The following KCNQ1OT1 variants were observed in gnomAD, a reference collection of about 807,000 sequenced individuals.
KCNQ1OT1 encodes the protein KCNQ1 opposite strand/antisense transcript 1.
exon 1 of KCNQ1OT1, chr11:2,632,137 C>T (rs894312397): frequency 2.8e-5 from 11 of 389,978 alleles, no homozygotes; most frequent in East Asian, 1.4e-4. Flanking sequence ...GAGCCGAGAT[C>T]GCGCCACTAC....
In KCNQ1OT1 at chr11:2,645,810, A is replaced by G. The variant is rs567619583; in HGVS notation, n.54185T>C. Reference sequence around the variant, plus strand: ...CAGTCTGGTGGGGGTTGGGCTATCAAAATGGGACTTTCCTGAAGTTGCCTG... The same window carrying G: ...CAGTCTGGTGGGGGTTGGGCTATCAGAATGGGACTTTCCTGAAGTTGCCTG... On this transcript the variant is annotated non_coding_transcript_exon_variant, in exon 1 of 1. Transcript: ENST00000597346. The surrounding 1 kb of genome is among the most constrained non-coding windows in gnomAD (Gnocchi z 5.8). 1.5e-5 allele frequency: 6 copies of G among 398,758 alleles called. No homozygotes were observed. Among genetic ancestry groups the G allele is most frequent in the African/African-American group, 1.2e-4 (6 of 48,732 alleles). The allele number at this position is 398,758 out of a possible 1,614,324, so 24.7% of individuals were successfully genotyped here.
exon 1 of KCNQ1OT1, chr11:2,665,439 C>T (rs1032710682): frequency 5.0e-6 from 2 of 397,506 alleles, no homozygotes; most frequent in Non-Finnish European, 8.9e-6. Context: ...ATCCTCTGCT[C>T]ACCAAGGGTC....
chr11:2,695,094 T>C lies in KCNQ1OT1; in HGVS notation n.4901A>G, dbSNP rs1850652018. 1 of 398,684 alleles carries C rather than the reference T, an allele frequency of 2.5e-6. No individual in the cohort carries two copies. The highest frequency in any genetic ancestry group is 4.4e-6 in the Non-Finnish European group (1 of 226,100). 24.7% of individuals were successfully genotyped at this position (398,684 alleles called of 1,614,324 possible). ...TTTATTTCCTAGAAATAGAAGCCAC[T>C]AGAGGGTATCTGGCAGGAGAGTCAT... On this transcript the variant is annotated non_coding_transcript_exon_variant, in exon 1 of 1. Coordinates refer to ENST00000597346, the Ensembl canonical transcript of KCNQ1OT1. This position sits in a 1 kb window ranked among gnomAD's most constrained non-coding sequence, Gnocchi z 5.2.
exon 1 of KCNQ1OT1, chr11:2,680,067 T>G (rs927067131): frequency 2.5e-6 from 1 of 396,246 alleles, no homozygotes; most frequent in Non-Finnish European, 4.4e-6. Context: ...CTAATTTTTT[T>G]TTTTATTAGA....
exon 1 of KCNQ1OT1, chr11:2,610,702 G>C (rs1385842571): frequency 6.8e-6 from 2 of 292,240 alleles, no homozygotes; most frequent in Non-Finnish European, 1.2e-5. Context: ...TCTGGACACA[G>C]TATTCTTGGT....
exon 1 of KCNQ1OT1, chr11:2,660,705 T>C (rs1473048843): frequency 7.5e-6 from 3 of 398,504 alleles, no homozygotes; most frequent in African/African-American, 6.2e-5. Context: ...GCTGACAACC[T>C]TCATTCGGGC....
chr11:2,698,495 C>T lies in KCNQ1OT1; in HGVS notation n.1500G>A. ...CAATATGACCAAGAGACTTCTACCA[C>T]TACCTCTCACCTGGCAGGTGATCAC... On this transcript the variant is annotated non_coding_transcript_exon_variant, in exon 1 of 1. Coordinates refer to ENST00000597346, the Ensembl canonical transcript of KCNQ1OT1. The surrounding 1 kb of genome is among the most constrained non-coding windows in gnomAD (Gnocchi z 5.1). The T allele has an allele frequency of 2.5e-6, 1 of 398,632 alleles. No individual in the cohort carries two copies. Among genetic ancestry groups the T allele is most frequent in the East Asian group, 3.6e-5 (1 of 28,080 alleles). 24.7% of individuals were successfully genotyped at this position (398,632 alleles called of 1,614,324 possible).
exon 1 of KCNQ1OT1, chr11:2,632,114 C>G (rs1051981082): frequency 2.6e-6 from 1 of 384,782 alleles, no homozygotes; most frequent in African/African-American, 2.2e-5. Context: ...ACTCGGGAGG[C>G]AGAGCTTGCA....
exon 1 of KCNQ1OT1, chr11:2,681,401 G>C (rs1320373383): frequency 3.5e-5 from 14 of 398,362 alleles, no homozygotes; most frequent in Non-Finnish European, 6.2e-5. Flanking sequence ...GGTGACTAAA[G>C]GCAAAGAATG....
At chr11:2,696,389 TCA>T in exon 1 of KCNQ1OT1, 1 of 398,696 alleles carries the variant, frequency 2.5e-6, no homozygotes, top group Non-Finnish European at 4.4e-6. Context: ...GCCACCTTTA[TCA>T]CATGTCCCCT....
At position 2,664,509 on chromosome 11, in the gene KCNQ1OT1, CCT is replaced by C. The variant is rs1403607875; in HGVS notation, n.35484_35485del. On this transcript the variant is annotated non_coding_transcript_exon_variant, in exon 1 of 1. Coordinates refer to ENST00000597346, the Ensembl canonical transcript of KCNQ1OT1. This position sits in a 1 kb window ranked among gnomAD's most constrained non-coding sequence, Gnocchi z 5.1. The stretch of plus-strand genomic sequence containing the variant: ...GGAGAAGGCTGGCAGCAGTGGGCAC[CCT>C]GTTTCCTCAGGGCCCAAACCGCCTG... The C allele has an allele frequency of 1.8e-5, 7 of 398,632 alleles. No individual in the cohort carries two copies. The highest frequency in any genetic ancestry group is 4.4e-5 in the Admixed American group (1 of 22,716). The allele number at this position is 398,632 out of a possible 1,614,324, so 24.7% of individuals were successfully genotyped here. A position where few individuals can be genotyped will look rare whatever the true frequency, so the allele number is the denominator to read the frequency against.
At chr11:2,686,235 G>A (rs1850487563) in exon 1 of KCNQ1OT1, 4 of 398,690 alleles carry the variant, frequency 1.0e-5, no homozygotes, top group Non-Finnish European at 1.3e-5. Flanking sequence ...TTTAGGCCTT[G>A]GGATAGCACA....
chr11:2,645,630 C>T lies in KCNQ1OT1; in HGVS notation n.54365G>A. ...GGTGACTATGGGCAGGGTCACCTTT[C>T]CTCATGGCAGCCTTGCTTCGGAGGT... On this transcript the variant is annotated non_coding_transcript_exon_variant, in exon 1 of 1. Coordinates refer to ENST00000597346, the Ensembl canonical transcript of KCNQ1OT1. This position sits in a 1 kb window ranked among gnomAD's most constrained non-coding sequence, Gnocchi z 5.8. 2.5e-6 allele frequency: 1 copy of T among 398,764 alleles called. No homozygotes were observed. The highest frequency in any genetic ancestry group is 4.4e-6 in the Non-Finnish European group (1 of 226,180). The allele number at this position is 398,764 out of a possible 1,614,324, so 24.7% of individuals were successfully genotyped here.
In KCNQ1OT1 at chr11:2,659,403, T is replaced by A. The variant is rs1849910730; in HGVS notation, n.40592A>T. The A allele has an allele frequency of 2.5e-6, 1 of 398,516 alleles. No individual in the cohort carries two copies. Among genetic ancestry groups the A allele is most frequent in the Non-Finnish European group, 4.4e-6 (1 of 226,052 alleles). The allele number at this position is 398,516 out of a possible 1,614,324, so 24.7% of individuals were successfully genotyped here. A position where few individuals can be genotyped will look rare whatever the true frequency, so the allele number is the denominator to read the frequency against. On this transcript the variant is annotated non_coding_transcript_exon_variant, in exon 1 of 1. Transcript: ENST00000597346. This position sits in a 1 kb window ranked among gnomAD's most constrained non-coding sequence, Gnocchi z 4.3. ...CTTTCACTGCTTAGCAAAATGCATT[T>A]GAGATTCATCCATGTTGTTGCATAA...
chr11:2,620,611 T>G lies in KCNQ1OT1; in HGVS notation n.79384A>C, dbSNP rs1245325287. The G allele has an allele frequency of 2.5e-6, 1 of 397,648 alleles. No individual in the cohort carries two copies. Among genetic ancestry groups the G allele is most frequent in the Admixed American group, 4.4e-5 (1 of 22,706 alleles). 24.6% of individuals were successfully genotyped at this position (397,648 alleles called of 1,614,324 possible). A position where few individuals can be genotyped will look rare whatever the true frequency, so the allele number is the denominator to read the frequency against. On this transcript the variant is annotated non_coding_transcript_exon_variant, in exon 1 of 1. Transcript: ENST00000597346. This position sits in a 1 kb window ranked among gnomAD's most constrained non-coding sequence, Gnocchi z 4.5. ...ACCACTGATGGGCATCTAAGTGGAT[T>G]CCATGTCTTTGCTGTTGTGAATAGT...
At chr11:2,684,388 G>C (rs1431643267) in exon 1 of KCNQ1OT1, 3 of 398,606 alleles carry the variant, frequency 7.5e-6, no homozygotes, top group African/African-American at 4.1e-5. Context: ...GCTCCAGTGG[G>C]GTCCATCCCC....
rs1849168844 is a variant in KCNQ1OT1, at chr11:2,621,333, A to T, written n.78662T>A. The T allele has an allele frequency of 2.5e-6, 1 of 398,432 alleles. No individual in the cohort carries two copies. Among genetic ancestry groups the T allele is most frequent in the African/African-American group, 2.1e-5 (1 of 48,690 alleles). The allele number at this position is 398,432 out of a possible 1,614,324, so 24.7% of individuals were successfully genotyped here. On this transcript the variant is annotated non_coding_transcript_exon_variant, in exon 1 of 1. Coordinates refer to ENST00000597346, the Ensembl canonical transcript of KCNQ1OT1. The surrounding 1 kb of genome is among the most constrained non-coding windows in gnomAD (Gnocchi z 5.7). ...CATGAGAATGTTTTTTTGTTTGGCT[A>T]CTTCTGTATTTTCTTTTAAGAAATG...
In KCNQ1OT1 at chr11:2,611,771, A is replaced by G. The variant is rs1848982686; in HGVS notation, n.88224T>C. 2 of 398,446 alleles carry G rather than the reference A, an allele frequency of 5.0e-6. No individual in the cohort carries two copies. The highest frequency in any genetic ancestry group is 8.8e-6 in the Non-Finnish European group (2 of 226,002). The allele number at this position is 398,446 out of a possible 1,614,324, so 24.7% of individuals were successfully genotyped here. A position where few individuals can be genotyped will look rare whatever the true frequency, so the allele number is the denominator to read the frequency against. ...TTGTTATTTATTTTCTATATGTCTC[A>G]TATCACTTTTGTTCCTCTCTTCCTC... On this transcript the variant is annotated non_coding_transcript_exon_variant, in exon 1 of 1. Coordinates refer to ENST00000597346, the Ensembl canonical transcript of KCNQ1OT1. The surrounding 1 kb of genome is among the most constrained non-coding windows in gnomAD (Gnocchi z 5.3).
rs1850329191 is a variant in KCNQ1OT1 at position 2,678,374 on chromosome 11, C to T, written n.21621G>A. 2.5e-6 allele frequency: 1 copy of T among 398,342 alleles called. No individual in the cohort carries two copies. The highest frequency in any genetic ancestry group is 4.4e-5 in the Admixed American group (1 of 22,708). The allele number at this position is 398,342 out of a possible 1,614,324, so 24.7% of individuals were successfully genotyped here. On this transcript the variant is annotated non_coding_transcript_exon_variant, in exon 1 of 1. Coordinates refer to ENST00000597346, the Ensembl canonical transcript of KCNQ1OT1. This position sits in a 1 kb window ranked among gnomAD's most constrained non-coding sequence, Gnocchi z 4.9. Reference sequence around the variant, plus strand: ...CGGGATTTTGACAGAGTAATTAAATCCAATTTGGTTTCCCATATATTTGTC... The same window carrying T: ...CGGGATTTTGACAGAGTAATTAAATTCAATTTGGTTTCCCATATATTTGTC...
Sources: allele counts gnomAD v4.1 joint callset, GRCh38; gene constraint gnomAD v4.1.1; non-coding constraint Gnocchi (gnomAD v3.1); transcripts MANE v1.5; gene names NCBI Gene and HGNC (gene_info 2026-07-23, HGNC 2026-07-21).